Variants in GMPR observed in about 807,000 individuals in gnomAD.
The protein encoded by GMPR is GMP reductase 1.
A neutral mutation model predicts 38.4 loss-of-function variants in GMPR; 31 were observed. The observed-to-expected ratio is 0.81, with a 90% confidence interval of 0.61 to 1.09. The LOEUF (loss-of-function observed/expected upper bound fraction) is 1.09, where lower values mean the gene tolerates loss of function less well. GMPR is among the 50% of genes least tolerant of loss of function. The probability of loss-of-function intolerance (pLI) is 0.00; values close to 1 mark genes in which losing one functional copy is unlikely to be tolerated. For synonymous variants in GMPR, 162 were observed against 173.3 expected, an observed-to-expected ratio of 0.93 and a Z score of 0.51; for missense variants, 468 against 453.7, an observed-to-expected ratio of 1.03 and a Z score of -0.29.
At chr6:16,246,373 C>T (rs987718163) in intron 1 of GMPR, among the ~76,000 whole-genome samples, 1 of 152,202 alleles carries the variant, frequency 6.6e-6, no homozygotes, top group Non-Finnish European at 1.5e-5. Flanking sequence ...ATAATTAAAG[C>T]AGCCGTGGAG....
At chr6:16,289,128 A>G (rs996627492) in intron 7 of GMPR, among the ~76,000 whole-genome samples, 4 of 152,160 alleles carry the variant, frequency 2.6e-5, no homozygotes, top group African/African-American at 4.8e-5. Flanking sequence ...TTAGGCCCAC[A>G]CTGCTTTTAT....
chr6:16,270,420 C>T (rs1408774601), intron 4 of GMPR, among the ~76,000 whole-genome samples: 1 of 152,202 alleles, frequency 6.6e-6, no homozygotes, highest in Non-Finnish European at 1.5e-5. Context: ...CCCATTCTGA[C>T]AGTCCTGTAT....
intron 4 of GMPR, among the ~76,000 whole-genome samples, chr6:16,266,164 TTAAGAG>T (rs1466973683): frequency 4.1e-5 from 2 of 48,646 alleles, no homozygotes; most frequent in Non-Finnish European, 6.4e-5. Flanking sequence ...CTTGCCATCT[TTAAGAG>T]CTGTAACACT....
intron 8 of GMPR, among the ~76,000 whole-genome samples, chr6:16,292,044 C>T (rs1349894236): frequency 6.6e-6 from 1 of 152,232 alleles, no homozygotes; most frequent in Non-Finnish European, 1.5e-5. Flanking sequence ...GGTTCTCCAT[C>T]TGCAGAGGGA....
intron 1 of GMPR, among the ~76,000 whole-genome samples, chr6:16,239,095 G>T (rs563249489): frequency 6.6e-6 from 1 of 152,322 alleles, no homozygotes; most frequent in South Asian, 2.1e-4. Flanking sequence ...GTACGAGGGC[G>T]CTTATAGCAA....
At chr6:16,262,561 G>A (rs1367775907) in intron 4 of GMPR, 1 of 152,040 alleles carries the variant, frequency 6.6e-6, no homozygotes, top group Non-Finnish European at 1.5e-5. Context: ...GTCTCACAGT[G>A]GAGGCAAGGA....
intron 4 of GMPR, among the ~76,000 whole-genome samples, chr6:16,266,581 T>A (rs1360726879): frequency 6.6e-6 from 1 of 150,806 alleles, no homozygotes; most frequent in African/African-American, 2.4e-5. Flanking sequence ...GATGGGTGGA[T>A]CACCAGGTCA....
In GMPR at chr6:16,264,901, C is replaced by G. The variant is rs142562265; in HGVS notation, c.466-9514C>G. On this transcript the variant is annotated intron_variant, in intron 4 of 8. Coordinates refer to ENST00000259727, the MANE Select transcript of GMPR (RefSeq NM_006877.4). ...GGGCTCAGAGGCCTGACACCTTTCA[C>G]CTAAGATGGGCCTTGCCACATAGGG... Among the ~76,000 whole-genome samples the G allele has an allele frequency of 2.1e-3, 313 of 152,266 alleles. 1 individual carries two copies. The highest frequency in any genetic ancestry group is 2.4e-3 in the Non-Finnish European group (166 of 68,032).
chr6:16,281,708 C>T (rs1759577969), intron 6 of GMPR, among the ~76,000 whole-genome samples: 2 of 151,536 alleles, frequency 1.3e-5, no homozygotes, highest in African/African-American at 4.9e-5. Context: ...CAGGGTTTCA[C>T]CATGCTGGCC....
intron 6 of GMPR, among the ~76,000 whole-genome samples, chr6:16,285,179 T>C (rs1759655857): frequency 1.3e-5 from 2 of 152,118 alleles, no homozygotes; most frequent in Admixed American, 1.3e-4. Context: ...CTGCTACACA[T>C]TAAACCAGCC....
At chr6:16,288,333 AGGCCCTGCACTCGGAGCGGCCGGCT>A (rs1411162589) in intron 7 of GMPR, among the ~76,000 whole-genome samples, 1 of 152,156 alleles carries the variant, frequency 6.6e-6, no homozygotes, top group Non-Finnish European at 1.5e-5. Flanking sequence ...TGGGCTTGGC[AGGCCCTGCACTCGGAGCGGCCGGCT>A]GGCCCTGCCG....
At chr6:16,266,606 T>A (rs891667837) in intron 4 of GMPR, among the ~76,000 whole-genome samples, 15 of 151,082 alleles carry the variant, frequency 9.9e-5, no homozygotes, top group South Asian at 2.1e-4. Context: ...ATCATAACCA[T>A]CCTGGCTAAC....
intron 4 of GMPR, among the ~76,000 whole-genome samples, chr6:16,258,693 G>C (rs1759024725): frequency 6.6e-6 from 1 of 152,198 alleles, no homozygotes; most frequent in Non-Finnish European, 1.5e-5. Flanking sequence ...ATTGACCCTT[G>C]AAATCTGTGA....
intron 1 of GMPR, 137 bp from the exon 2 acceptor site, chr6:16,246,705 T>A: frequency 1.3e-6 from 1 of 778,688 alleles, no homozygotes; most frequent in Non-Finnish European, 2.1e-6. Context: ...TTGGAATACC[T>A]GTCTTTGACC....
intron 5 of GMPR, among the ~76,000 whole-genome samples, chr6:16,278,260 G>A (rs2113696563): frequency 6.6e-6 from 1 of 152,280 alleles, no homozygotes; most frequent in Admixed American, 6.5e-5. Flanking sequence ...CCCTCCCTGT[G>A]CCATTTGTTC....
At chr6:16,273,375 A>G (rs1759419033) in intron 4 of GMPR, among the ~76,000 whole-genome samples, 1 of 152,236 alleles carries the variant, frequency 6.6e-6, no homozygotes, top group African/African-American at 2.4e-5. Context: ...AGTATCCTAT[A>G]TACTGGCTGA....
At position 16,254,617 on chromosome 6, in the gene GMPR, TC is replaced by T; in HGVS notation, c.349del (p.Leu117TrpfsTer26). The T allele has an allele frequency of 6.2e-7, 1 of 1,613,940 alleles. No individual in the cohort carries two copies. Among genetic ancestry groups the T allele is most frequent in the Non-Finnish European group, 8.5e-7 (1 of 1,179,750 alleles). On this transcript the variant is annotated frameshift_variant, in exon 4 of 9. Coordinates refer to ENST00000259727, the MANE Select transcript of GMPR (RefSeq NM_006877.4). LOFTEE classifies it high-confidence loss of function. ...AATGATCTGGAAAAGATGACCAGCATCCTGGAAGCTGTGCCACAGGTTAAGT... is the reference window on the plus strand; with the variant it reads ...AATGATCTGGAAAAGATGACCAGCATCTGGAAGCTGTGCCACAGGTTAAGT... ...GQNDLEKMTS[I>X]LEAVPQVKFI...
intron 7 of GMPR, chr6:16,289,589 T>C (rs903990273): frequency 8.5e-5 from 13 of 152,216 alleles, no homozygotes; most frequent in African/African-American, 3.1e-4. Context: ...TGGCAGAATA[T>C]GTACTCTGGA....
At chr6:16,275,729 C>A (rs889059214) in intron 5 of GMPR, among the ~76,000 whole-genome samples, 3 of 152,126 alleles carry the variant, frequency 2.0e-5, no homozygotes, top group African/African-American at 7.2e-5. Flanking sequence ...TCTTTTTAGT[C>A]CCAAAGGCAG....
Sources: allele counts gnomAD v4.1 joint callset (sites outside exome capture counted in the v4.1 genomes callset), GRCh38; gene constraint gnomAD v4.1.1; transcripts MANE v1.5; gene names NCBI Gene and HGNC (gene_info 2026-07-23, HGNC 2026-07-21).